The following SPOCK3 variants were observed in gnomAD, a reference collection of about 807,000 sequenced individuals.
SPOCK3 encodes testican-3.
SPOCK3 carries 30 observed loss-of-function variants against 56.6 expected under a neutral mutation model. The ratio of observed to expected loss-of-function variants is 0.53; its 90% confidence interval spans 0.40 to 0.72. The LOEUF (loss-of-function observed/expected upper bound fraction) is 0.72. Ranked by LOEUF, SPOCK3 falls within the 30% of genes least tolerant of loss-of-function variation. SPOCK3 has a pLI of 0.00. For missense variants in SPOCK3, 527 were observed against 530.0 expected, an observed-to-expected ratio of 0.99 and a Z score of 0.06; for synonymous variants, 196 against 183.3, an observed-to-expected ratio of 1.07 and a Z score of -0.56.
rs151299077 is a variant in SPOCK3, at chr4:166,808,256, A to G, written c.590-15967T>C. On this transcript the variant is annotated intron_variant, in intron 6 of 10. Transcript: ENST00000357545. Reference sequence around the variant, plus strand: ...TGACCTCTAGTTGATTTAGTAGCTGATTTTGGTATCTACCATCTCTCTCCT... The same window carrying G: ...TGACCTCTAGTTGATTTAGTAGCTGGTTTTGGTATCTACCATCTCTCTCCT... Among the ~76,000 whole-genome samples, 409 of 151,976 alleles carry G rather than the reference A, an allele frequency of 2.7e-3. 3 individuals are homozygous for G. The highest frequency in any genetic ancestry group is 9.2e-3 in the African/African-American group (380 of 41,452).
intron 8 of SPOCK3, among the ~76,000 whole-genome samples, chr4:166,743,024 G>C (rs1375606303): frequency 6.6e-6 from 1 of 152,092 alleles, no homozygotes; most frequent in Non-Finnish European, 1.5e-5. Flanking sequence ...GAAGGCATTT[G>C]AGTGACTTGA....
intron 6 of SPOCK3, among the ~76,000 whole-genome samples, chr4:166,846,197 C>T (rs1021540831): frequency 6.6e-6 from 1 of 152,064 alleles, no homozygotes; most frequent in Non-Finnish European, 1.5e-5. Context: ...TACCTGACTT[C>T]TTTTTGGTCT....
At chr4:166,791,052 A>T (rs1005241487) in intron 7 of SPOCK3, among the ~76,000 whole-genome samples, 2 of 152,170 alleles carry the variant, frequency 1.3e-5, no homozygotes, top group African/African-American at 4.8e-5. Flanking sequence ...AGCCTGAGGA[A>T]CTCTTCTATA....
intron 6 of SPOCK3, among the ~76,000 whole-genome samples, chr4:166,821,937 A>G (rs1279146949): frequency 1.3e-5 from 2 of 152,072 alleles, no homozygotes; most frequent in Non-Finnish European, 2.9e-5. Context: ...GTTATTGTTT[A>G]TAGGATAGAT....
At chr4:167,058,683 G>T (rs552109986) in intron 3 of SPOCK3, among the ~76,000 whole-genome samples, 2 of 152,054 alleles carry the variant, frequency 1.3e-5, no homozygotes, top group African/African-American at 4.8e-5. Flanking sequence ...AAAAGAGCCC[G>T]CATCGCCAAG....
chr4:166,779,969 A>T (rs2126610303), intron 7 of SPOCK3, among the ~76,000 whole-genome samples: 1 of 152,328 alleles, frequency 6.6e-6, no homozygotes, highest in South Asian at 2.1e-4. Flanking sequence ...AGAAAAAAAT[A>T]ATTGAAAACT....
At chr4:166,838,720 G>T (rs764802810) in intron 6 of SPOCK3, among the ~76,000 whole-genome samples, 1 of 140,662 alleles carries the variant, frequency 7.1e-6, no homozygotes, top group Non-Finnish European at 1.5e-5. Flanking sequence ...TTGGGAGGCC[G>T]TGAGCGGATC....
At chr4:166,836,579 GT>G (rs1746645654) in intron 6 of SPOCK3, among the ~76,000 whole-genome samples, 1 of 152,096 alleles carries the variant, frequency 6.6e-6, no homozygotes. Context: ...AGTGAAGATT[GT>G]TTTTTGTGGC....
At chr4:167,222,242 G>A (rs1420420924) in intron 2 of SPOCK3, among the ~76,000 whole-genome samples, 1 of 151,940 alleles carries the variant, frequency 6.6e-6, no homozygotes, top group African/African-American at 2.4e-5. Context: ...ATCTAAAGTA[G>A]TCAAATTCGT....
At chr4:167,098,532 C>T (rs1433444898) in intron 2 of SPOCK3, among the ~76,000 whole-genome samples, 2 of 151,930 alleles carry the variant, frequency 1.3e-5, no homozygotes, top group Non-Finnish European at 2.9e-5. Flanking sequence ...AAATAATGCC[C>T]CACTTAGGAA....
chr4:167,070,590 A>G (rs1436403352), intron 2 of SPOCK3, among the ~76,000 whole-genome samples: 2 of 151,930 alleles, frequency 1.3e-5, no homozygotes, highest in African/African-American at 4.8e-5. Flanking sequence ...GTATTTTGAT[A>G]GCTTGGATAA....
intron 2 of SPOCK3, among the ~76,000 whole-genome samples, chr4:167,104,887 C>T (rs1037329962): frequency 2.7e-5 from 4 of 150,456 alleles, no homozygotes; most frequent in African/African-American, 9.8e-5. Flanking sequence ...AAACATCTGG[C>T]AGCAGACTTT....
At chr4:166,955,764 C>T (rs1300640719) in intron 4 of SPOCK3, among the ~76,000 whole-genome samples, 1 of 150,468 alleles carries the variant, frequency 6.6e-6, no homozygotes, top group Non-Finnish European at 1.5e-5. Flanking sequence ...CTTGTATGTC[C>T]CTTGATACAT....
intron 3 of SPOCK3, among the ~76,000 whole-genome samples, chr4:167,009,273 A>G (rs1395156816): frequency 2.9e-4 from 44 of 152,156 alleles, no homozygotes; most frequent in Admixed American, 2.9e-3. Flanking sequence ...TAATGCAAAG[A>G]AAATGGGAAC....
chr4:167,044,585 A>C (rs1426166076), intron 3 of SPOCK3, among the ~76,000 whole-genome samples: 1 of 152,068 alleles, frequency 6.6e-6, no homozygotes, highest in African/African-American at 2.4e-5. Flanking sequence ...CTTTCACTGC[A>C]CGCCACAAAC....
chr4:167,065,917 G>A (rs1292834352), intron 2 of SPOCK3, among the ~76,000 whole-genome samples: 1 of 151,772 alleles, frequency 6.6e-6, no homozygotes, highest in Non-Finnish European at 1.5e-5. Context: ...GGGTTTAAAC[G>A]ACTGAAACCA....
At chr4:167,205,085 A>G (rs758705835) in intron 2 of SPOCK3, among the ~76,000 whole-genome samples, 15 of 132,500 alleles carry the variant, frequency 1.1e-4, no homozygotes, top group East Asian at 2.1e-4. Context: ...CCGTGCCCCA[A>G]TGGGCTGGGA....
chr4:166,924,180 T>G (rs113710240), intron 4 of SPOCK3, among the ~76,000 whole-genome samples: 1 of 152,192 alleles, frequency 6.6e-6, no homozygotes, highest in East Asian at 1.9e-4. Flanking sequence ...TTTTCCTCAA[T>G]GTTATTTTAT....
chr4:167,207,405 T>TA (rs958448631), intron 2 of SPOCK3, among the ~76,000 whole-genome samples: 2 of 151,756 alleles, frequency 1.3e-5, no homozygotes, highest in Non-Finnish European at 2.9e-5. Flanking sequence ...AACTTTCTAA[T>TA]AAAAAAACTA....
Sources: allele counts gnomAD v4.1 joint callset (sites outside exome capture counted in the v4.1 genomes callset), GRCh38; gene constraint gnomAD v4.1.1; transcripts MANE v1.5; gene names NCBI Gene and HGNC (gene_info 2026-07-23, HGNC 2026-07-21).